Variants in ZNF716 observed in about 807,000 individuals in gnomAD.
ZNF716 encodes zinc finger protein 716.
ZNF716 carries 9 observed loss-of-function variants against 13.4 expected under a neutral mutation model. The ratio of observed to expected loss-of-function variants is 0.67; its 90% CI spans 0.41 to 1.18. The LOEUF is 1.18. ZNF716 is among the 50% of genes most tolerant of loss of function. ZNF716 has a pLI of 0.01. For synonymous variants in ZNF716, 186 were observed against 195.2 expected (o/e 0.95, Z 0.39); for missense variants, 581 against 576.6 (o/e 1.01, Z -0.08).
chr7:57,452,797 T>C (rs1475949361), intron 1 of ZNF716, among the ~76,000 whole-genome samples: 1 of 152,182 alleles, frequency 6.6e-6, no homozygotes, highest in Non-Finnish European at 1.5e-5. Flanking sequence ...CAGCCACACT[T>C]AAGGTTTTTC....
At chr7:57,452,580 G>A (rs898708435) in intron 1 of ZNF716, among the ~76,000 whole-genome samples, 1 of 152,112 alleles carries the variant, frequency 6.6e-6, no homozygotes, top group African/African-American at 2.4e-5. Context: ...GGAGGTTGCA[G>A]TGAGCCAAGA....
intron 1 of ZNF716, among the ~76,000 whole-genome samples, chr7:57,459,041 A>G (rs1789656426): frequency 6.6e-6 from 1 of 152,220 alleles, no homozygotes; most frequent in African/African-American, 2.4e-5. Flanking sequence ...ATTATTTACA[A>G]AATAGCCATT....
At chr7:57,452,696 C>T (rs1448136525) in intron 1 of ZNF716, among the ~76,000 whole-genome samples, 5 of 152,074 alleles carry the variant, frequency 3.3e-5, no homozygotes, top group African/African-American at 1.2e-4. Context: ...TAAAAAATCT[C>T]TGTGCCTCTT....
intron 1 of ZNF716, among the ~76,000 whole-genome samples, chr7:57,459,505 T>C (rs1789668317): frequency 6.6e-6 from 1 of 152,270 alleles, no homozygotes; most frequent in Admixed American, 6.5e-5. Context: ...TTTCTCTTGC[T>C]AATGCTAATA....
intron 1 of ZNF716, among the ~76,000 whole-genome samples, chr7:57,456,561 C>A (rs540290146): frequency 6.6e-6 from 1 of 151,958 alleles, no homozygotes; most frequent in East Asian, 2.0e-4. Context: ...ATGGTGAAAC[C>A]CCATCTCTAC....
In ZNF716 at chr7:57,466,213, T is replaced by G. The variant is rs1372812871; in HGVS notation, c.263-2511T>G. On this transcript the variant is annotated intron_variant, in intron 3 of 3. Coordinates refer to ENST00000420713, the MANE Select transcript of ZNF716 (RefSeq NM_001159279.1). Reference sequence around the variant, plus strand: ...TAATAAATAAATTTTAAAAAATGATTAAAAACAACATATTATGAAAATATA... The same window carrying G: ...TAATAAATAAATTTTAAAAAATGATGAAAAACAACATATTATGAAAATATA... Among the ~76,000 whole-genome samples the G allele has an allele frequency of 3.9e-5, 6 of 151,938 alleles. No individual in the cohort carries two copies. In the East Asian group the frequency reaches 1.2e-3, roughly 29 times the overall value.
chr7:57,454,222 T>G (rs1554321929), intron 1 of ZNF716, among the ~76,000 whole-genome samples: 2 of 152,254 alleles, frequency 1.3e-5, no homozygotes, highest in Non-Finnish European at 2.9e-5. Context: ...TAATGTTTAC[T>G]GAATGTCCTC....
intron 1 of ZNF716, among the ~76,000 whole-genome samples, chr7:57,460,965 AT>A (rs36078415): frequency 1.3e-4 from 19 of 151,080 alleles, no homozygotes; most frequent in Admixed American, 7.9e-4. Flanking sequence ...CAGAAAACTG[AT>A]TTTTTTTTAT....
At chr7:57,456,467 T>C (rs1554322174) in intron 1 of ZNF716, among the ~76,000 whole-genome samples, 1 of 152,104 alleles carries the variant, frequency 6.6e-6, no homozygotes, top group African/African-American at 2.4e-5. Context: ...AATTATGGTC[T>C]GTGCTGACTC....
chr7:57,460,571 C>A (rs1357646921), intron 1 of ZNF716, among the ~76,000 whole-genome samples: 1 of 151,696 alleles, frequency 6.6e-6, no homozygotes, highest in African/African-American at 2.4e-5. Flanking sequence ...TTTCTGTATA[C>A]CATAGCCTTC....
At chr7:57,455,424 T>A (rs374046754) in intron 1 of ZNF716, among the ~76,000 whole-genome samples, 1 of 152,244 alleles carries the variant, frequency 6.6e-6, no homozygotes, top group East Asian at 1.9e-4. Context: ...TCTGGCTATG[T>A]GATAAGTAAG....
At chr7:57,450,739 G>C (rs1789472208) in intron 1 of ZNF716, among the ~76,000 whole-genome samples, 1 of 152,056 alleles carries the variant, frequency 6.6e-6, no homozygotes, top group Non-Finnish European at 1.5e-5. Flanking sequence ...ATGGGGAGTC[G>C]CTGTAAAAAT....
chr7:57,469,236 C>A lies in ZNF716; in HGVS notation c.775C>A (p.His259Asn), dbSNP rs781810479. 2.3e-5 allele frequency: 37 copies of A among 1,612,454 alleles called. No homozygotes were observed. The highest frequency in any genetic ancestry group is 3.1e-5 in the Non-Finnish European group (36 of 1,179,322). ...TAGCTGGTCTGCATCCCTTACTAAA[C>A]ATAAGAGAATTCATACTGGAGAGAA... ...AFSWSASLTK[H>N]KRIHTGEKPY... The change falls in exon 4 of 4, where the codon CAT becomes AAT. Residue 259 changes from histidine (H) to asparagine (N), a missense_variant. Physicochemically the swap from His to Asn is moderately conservative, Grantham distance 68 (BLOSUM62 1). Coordinates refer to ENST00000420713, the MANE Select transcript of ZNF716 (RefSeq NM_001159279.1).
At position 57,468,829 on chromosome 7, in the gene ZNF716, T is replaced by C; in HGVS notation, c.368T>C (p.Leu123Ser). The C allele has an allele frequency of 6.2e-7, 1 of 1,613,758 alleles. No homozygotes were observed. Among genetic ancestry groups the C allele is most frequent in the African/African-American group, 1.3e-5 (1 of 75,022 alleles). The change falls in exon 4 of 4, where the codon TTA (leucine) becomes TCA (serine). Residue 123 changes from leucine (L) to serine (S), a missense_variant. Leu to Ser is a moderately radical substitution (Grantham distance 145). Coordinates refer to ENST00000420713, the MANE Select transcript of ZNF716 (RefSeq NM_001159279.1). The stretch of plus-strand genomic sequence containing the variant: ...TATGGAAAATGTGGACAGGAGGATT[T>C]ACAAGTAAAAAAATGCTGTAAAAGT... ...RRYGKCGQED[L>S]QVKKCCKSVG...
In ZNF716 at chr7:57,469,396, C is replaced by A. The variant is rs563854337; in HGVS notation, c.935C>A (p.Thr312Asn). 80 of 1,613,070 alleles carry A rather than the reference C, an allele frequency of 5.0e-5. No homozygotes were observed. Among genetic ancestry groups the A allele is most frequent in the Admixed American group, 1.5e-4 (9 of 59,882 alleles). Reference protein sequence around the residue: ...GKAFSRSSTLTNHKRIHTGER... With the variant: ...GKAFSRSSTLNNHKRIHTGER... ...GCCTTTAGCCGCTCTTCAACACTTA[C>A]TAACCACAAGAGAATTCATACTGGA... Residue 312 changes from threonine (T) to asparagine (N), a missense_variant, in exon 4 of 4, where the codon ACT (threonine) becomes AAT (asparagine). Transcript: ENST00000420713.
rs1478263553 is a variant in ZNF716, at chr7:57,473,498, T to C, written c.*3549T>C. 6.8e-6 allele frequency: 1 copy of C among 147,476 alleles called. No individual in the cohort carries two copies. The highest frequency in any genetic ancestry group is 1.5e-5 in the Non-Finnish European group (1 of 67,336). The allele number at this position is 147,476 out of a possible 1,614,324, so 9.1% of individuals were successfully genotyped here. A position where few individuals can be genotyped will look rare whatever the true frequency, so the allele number is the denominator to read the frequency against. On this transcript the variant is annotated 3_prime_UTR_variant, in exon 4 of 4. Coordinates refer to ENST00000420713, the MANE Select transcript of ZNF716 (RefSeq NM_001159279.1). ...TGGTGCTACTGCACTCCAGCCTGGG[T>C]GAAAGAGCGAGAAACCATCTCAAAA...
intron 1 of ZNF716, among the ~76,000 whole-genome samples, chr7:57,462,077 T>C (rs1382549541): frequency 2.0e-5 from 3 of 151,830 alleles, no homozygotes; most frequent in African/African-American, 2.4e-5. Context: ...GGAAAATCAC[T>C]TGAACCCAGG....
chr7:57,457,384 A>T (rs1251649018), intron 1 of ZNF716, among the ~76,000 whole-genome samples: 1 of 152,062 alleles, frequency 6.6e-6, no homozygotes, highest in Non-Finnish European at 1.5e-5. Context: ...TTGCTCTGTC[A>T]CCCAGGCTGG....
At chr7:57,464,687 T>C (rs1789774353) in intron 3 of ZNF716, among the ~76,000 whole-genome samples, 1 of 151,220 alleles carries the variant, frequency 6.6e-6, no homozygotes, top group Admixed American at 6.7e-5. Context: ...GTCTTTCCAC[T>C]ATATTTTTTT....
Sources: allele counts gnomAD v4.1 joint callset (sites outside exome capture counted in the v4.1 genomes callset), GRCh38; gene constraint gnomAD v4.1.1; transcripts MANE v1.5; gene names NCBI Gene and HGNC (gene_info 2026-07-23, HGNC 2026-07-21).